The following PIP4K2A variants were observed in gnomAD, a reference collection of about 807,000 sequenced individuals.
PIP4K2A encodes the protein phosphatidylinositol 5-phosphate 4-kinase type-2 alpha.
A neutral mutation model predicts 42.9 loss-of-function variants in PIP4K2A; 14 were observed. The observed-to-expected ratio is 0.33, with a 90% confidence interval of 0.22 to 0.51. The LOEUF (loss-of-function observed/expected upper bound fraction) is 0.51, where lower values mean the gene tolerates loss of function less well. Ranked by LOEUF, PIP4K2A falls within the 20% of genes least tolerant of loss-of-function variation. PIP4K2A has a pLI of 0.97. For synonymous variants in PIP4K2A, 192 were observed against 192.2 expected, an observed-to-expected ratio of 1.00 and a Z score of 0.01; for missense variants, 434 against 519.8, an observed-to-expected ratio of 0.83 and a Z score of 1.61.
intron 5 of PIP4K2A, among the ~76,000 whole-genome samples, chr10:22,569,384 C>G (rs1382938320): frequency 1.3e-5 from 2 of 152,176 alleles, no homozygotes; most frequent in African/African-American, 4.8e-5. Flanking sequence ...GAAGGCAAAC[C>G]TGAGAACCCA....
In PIP4K2A at chr10:22,664,140, TACATATATATAC is replaced by T. The variant is rs1564460088; in HGVS notation, c.144+50031_144+50042del. Among the ~76,000 whole-genome samples the T allele has an allele frequency of 5.8e-4, 26 of 44,822 alleles. 1 individual carries two copies. Among genetic ancestry groups the T allele is most frequent in the African/African-American group, 2.6e-3 (12 of 4,684 alleles). 29.4% of individuals were successfully genotyped at this position (44,822 alleles called of 152,430 possible). Reference sequence around the variant, plus strand: ...ACATATATATATATACATATATATATACATATATATACACATATATATATATACATATATATA... The same window carrying T: ...ACATATATATATATACATATATATATACATATATATATATACATATATATA... On this transcript the variant is annotated intron_variant, in intron 1 of 9. Transcript: ENST00000376573.
intron 6 of PIP4K2A, 37 bp from the exon 7 acceptor site, chr10:22,550,809 G>C: frequency 7.6e-7 from 1 of 1,316,588 alleles, no homozygotes; most frequent in Non-Finnish European, 1.1e-6. Context: ...AAAGGCGCTT[G>C]AAGAAAACCT....
intron 1 of PIP4K2A, among the ~76,000 whole-genome samples, chr10:22,645,542 A>G (rs1838861358): frequency 7.3e-6 from 1 of 137,778 alleles, no homozygotes. Flanking sequence ...GAAAGATTCT[A>G]TTTCTTTAAA....
intron 4 of PIP4K2A, among the ~76,000 whole-genome samples, chr10:22,584,866 G>A (rs956076615): frequency 6.6e-5 from 10 of 152,222 alleles, no homozygotes; most frequent in African/African-American, 9.6e-5. Context: ...TCACTCCTCC[G>A]GAAAAATGAA....
chr10:22,584,476 A>G (rs1046164630), intron 4 of PIP4K2A, among the ~76,000 whole-genome samples: 1 of 152,214 alleles, frequency 6.6e-6, no homozygotes, highest in Admixed American at 6.5e-5. Flanking sequence ...TTAAAGATGT[A>G]CTTGCTGGAG....
intron 1 of PIP4K2A, among the ~76,000 whole-genome samples, chr10:22,632,167 A>G (rs1429849664): frequency 6.6e-6 from 1 of 152,164 alleles, no homozygotes; most frequent in African/African-American, 2.4e-5. Flanking sequence ...ATGACAACCA[A>G]ATGCATCAGG....
chr10:22,622,054 G>GAT (rs1200736953), intron 1 of PIP4K2A, among the ~76,000 whole-genome samples: 20 of 152,134 alleles, frequency 1.3e-4, no homozygotes, highest in Non-Finnish European at 2.9e-4. Flanking sequence ...GCTCTGCTAA[G>GAT]ATGACAGTAA....
At position 22,712,228 on chromosome 10, in the gene PIP4K2A, A is replaced by T. The variant is rs556702534; in HGVS notation, c.144+1955T>A. ...TTCAAAATATTTCCAATTAGCAAGA[A>T]ACTCTAAAACAAATGTAGCAATTCA... On this transcript the variant is annotated intron_variant, in intron 1 of 9. Coordinates refer to ENST00000376573, the MANE Select transcript of PIP4K2A (RefSeq NM_005028.5). Among the ~76,000 whole-genome samples, 3 of 152,360 alleles carry T rather than the reference A, an allele frequency of 2.0e-5. No individual in the cohort carries two copies. In the South Asian group the frequency reaches 6.2e-4, roughly 32 times the overall value.
At chr10:22,694,424 C>T (rs1402457518) in intron 1 of PIP4K2A, 3 of 152,154 alleles carry the variant, frequency 2.0e-5, no homozygotes, top group Non-Finnish European at 4.4e-5. Context: ...AAAACAAAGC[C>T]TTTCAGTAAT....
chr10:22,554,328 A>G (rs1836482148), intron 6 of PIP4K2A, among the ~76,000 whole-genome samples: 1 of 151,594 alleles, frequency 6.6e-6, no homozygotes, highest in Non-Finnish European at 1.5e-5. Context: ...AATGAACTTA[A>G]TAAACTCTTG....
intron 6 of PIP4K2A, among the ~76,000 whole-genome samples, chr10:22,553,671 T>C (rs147309301): frequency 7.2e-4 from 109 of 152,150 alleles, no homozygotes; most frequent in African/African-American, 2.5e-3. Flanking sequence ...TCAGAAACCA[T>C]GTGACAGATT....
intron 1 of PIP4K2A, among the ~76,000 whole-genome samples, chr10:22,713,282 T>A (rs1833944048): frequency 6.6e-6 from 1 of 152,210 alleles, no homozygotes. Flanking sequence ...CGACTGTGCG[T>A]GACGCTAACC....
chr10:22,625,517 T>C (rs1413789728), intron 1 of PIP4K2A, among the ~76,000 whole-genome samples: 1 of 152,184 alleles, frequency 6.6e-6, no homozygotes, highest in African/African-American at 2.4e-5. Flanking sequence ...CTGGAGTCTA[T>C]TGTTCTAAGG....
intron 3 of PIP4K2A, 32 bp from the exon 4 acceptor site, chr10:22,591,813 C>T (rs200591696): frequency 1.7e-4 from 266 of 1,568,694 alleles, no homozygotes; most frequent in East Asian, 3.4e-4. Flanking sequence ...GGAAGGAAGG[C>T]GGGGGAAGAT....
intron 3 of PIP4K2A, among the ~76,000 whole-genome samples, chr10:22,593,582 C>CA (rs776917308): frequency 2.6e-4 from 39 of 152,182 alleles, no homozygotes; most frequent in Middle Eastern, 3.2e-3. Context: ...GGAAGAAAAT[C>CA]AAAGTGAATT....
intron 3 of PIP4K2A, among the ~76,000 whole-genome samples, 169 bp from the exon 4 acceptor site, chr10:22,591,950 C>T (rs1382986503): frequency 2.0e-5 from 3 of 152,234 alleles, no homozygotes; most frequent in African/African-American, 7.2e-5. Flanking sequence ...TCATAACTCA[C>T]ATTGCAAGCC....
At chr10:22,664,074 TAC>T (rs1466991912) in intron 1 of PIP4K2A, among the ~76,000 whole-genome samples, 16 of 83,938 alleles carry the variant, frequency 1.9e-4, no homozygotes, top group Non-Finnish European at 3.0e-4. Context: ...TATATATATA[TAC>T]GTATATATAT....
At chr10:22,601,750 T>A (rs1420352023) in intron 3 of PIP4K2A, among the ~76,000 whole-genome samples, 1 of 152,214 alleles carries the variant, frequency 6.6e-6, no homozygotes, top group Admixed American at 6.5e-5. Context: ...TGACCCAGAA[T>A]GCCCAATGCA....
chr10:22,692,281 G>A (rs1429308775), intron 1 of PIP4K2A, among the ~76,000 whole-genome samples: 2 of 152,040 alleles, frequency 1.3e-5, no homozygotes, highest in Non-Finnish European at 2.9e-5. Flanking sequence ...TAATGCTGCT[G>A]CTGATCTGAC....
Sources: gnomAD v4.1 joint callset for allele counts (sites outside exome capture counted in the v4.1 genomes callset) on GRCh38, gnomAD v4.1.1 for gene constraint, MANE v1.5 for transcripts, NCBI Gene and HGNC (gene_info 2026-07-23, HGNC 2026-07-21) for gene names.